The following IL1RN variants were observed in gnomAD, a reference collection of about 807,000 sequenced individuals.
IL1RN encodes interleukin 1 receptor antagonist.
A neutral mutation model predicts 13.7 loss-of-function variants in IL1RN; 10 were observed. The observed-to-expected ratio is 0.73, with a 90% CI of 0.45 to 1.24. The LOEUF (loss-of-function observed/expected upper bound fraction) is 1.24, where lower values mean the gene tolerates loss of function less well. Ranked by LOEUF, IL1RN falls within the 50% of genes most tolerant of loss-of-function variation. The pLI is 0.00. For missense variants in IL1RN, 213 were observed against 222.1 expected, an observed-to-expected ratio of 0.96 and a Z score of 0.26; for synonymous variants, 102 against 82.7, an observed-to-expected ratio of 1.23 and a Z score of -1.27.
upstream of IL1RN, among the ~76,000 whole-genome samples, chr2:113,108,966 C>A (rs930966432): frequency 9.9e-5 from 15 of 151,450 alleles, no homozygotes; most frequent in Admixed American, 9.2e-4. Context: ...ATAGTCATGA[C>A]AAAAATTTAA....
Position 113,133,240 on chromosome 2 carries a change from T to A in IL1RN, c.*369T>A, listed in dbSNP as rs886054775. On this transcript the variant is annotated 3_prime_UTR_variant, in exon 4 of 4. Transcript: ENST00000409930. The stretch of plus-strand genomic sequence containing the variant: ...CATGCCCTGGATCCATCAGGCCACT[T>A]GATGACCCCCAACCAAGTGGCTCCC... The A allele has an allele frequency of 7.8e-5, 28 of 359,336 alleles. No individual in the cohort carries two copies. The highest frequency in any genetic ancestry group is 1.4e-4 in the Non-Finnish European group (26 of 186,914). 22.3% of individuals were successfully genotyped at this position (359,336 alleles called of 1,614,324 possible). A position where few individuals can be genotyped will look rare whatever the true frequency, so the allele number is the denominator to read the frequency against.
chr2:113,121,499 C>A (rs1187022756), intron 2 of IL1RN: 1 of 985,292 alleles, frequency 1.0e-6, no homozygotes, highest in African/African-American at 1.7e-5. Flanking sequence ...CAAGCATGTA[C>A]CGCTGAAAAC....
chr2:113,129,916 AGCTGGGAAG>A, intron 2 of IL1RN: 1 of 489,418 alleles, frequency 2.0e-6, no homozygotes, highest in Non-Finnish European at 3.8e-6. Context: ...CCAGGGCCAC[AGCTGGGAAG>A]GGCAAATACC....
At chr2:113,127,142 T>A (rs1686990147), upstream of IL1RN, among the ~76,000 whole-genome samples, 1 of 152,254 alleles carries the variant, frequency 6.6e-6, no homozygotes, top group African/African-American at 2.4e-5. Flanking sequence ...ACAGAATGTT[T>A]GCCAATCTAT....
Position 113,133,042 on chromosome 2 carries a change from C to T in IL1RN, c.*171C>T. The T allele has an allele frequency of 1.4e-6, 1 of 689,948 alleles. No individual in the cohort carries two copies. The highest frequency in any genetic ancestry group is 2.7e-5 in the East Asian group (1 of 37,044). 42.7% of individuals were successfully genotyped at this position (689,948 alleles called of 1,614,324 possible). A position where few individuals can be genotyped will look rare whatever the true frequency, so the allele number is the denominator to read the frequency against. ...TCACAGGACTCTGCCTCCTCTTCAA[C>T]TGACCAGCCTCCATGCTGCCTCCAG... On this transcript the variant is annotated 3_prime_UTR_variant, in exon 4 of 4. Coordinates refer to ENST00000409930, the MANE Select transcript of IL1RN (RefSeq NM_173842.3).
intron 1 of IL1RN, among the ~76,000 whole-genome samples, chr2:113,111,999 GGTT>G (rs1255621028): frequency 6.6e-6 from 1 of 152,238 alleles, no homozygotes; most frequent in Non-Finnish European, 1.5e-5. Flanking sequence ...CCAGACTTTG[GGTT>G]GTTGTTTGCT....
Position 113,127,752 on chromosome 2 carries a change from C to T in IL1RN, c.116+12C>T. ...ATGCAAGCCTTCAGGTAAGGCTACC[C>T]CAAGGAGGAGAAGGTGAGGGTGGAT... is the stretch of plus-strand genomic sequence containing the variant. On this transcript the variant is annotated intron_variant, in intron 1 of 3. Transcript: ENST00000409930. The T allele has an allele frequency of 1.2e-6, 2 of 1,612,640 alleles. No individual in the cohort carries two copies. The highest frequency in any genetic ancestry group is 1.7e-6 in the Non-Finnish European group (2 of 1,179,336).
intron 1 of IL1RN, among the ~76,000 whole-genome samples, chr2:113,118,917 A>G (rs1686674929): frequency 1.3e-5 from 2 of 152,174 alleles, no homozygotes; most frequent in South Asian, 4.1e-4. Context: ...CATGTCTGCA[A>G]TCTTAGCTAC....
At chr2:113,102,744 G>T (rs1032421225), upstream of IL1RN, among the ~76,000 whole-genome samples, 1 of 152,176 alleles carries the variant, frequency 6.6e-6, no homozygotes, top group Non-Finnish European at 1.5e-5. Context: ...GGTGCTCAGT[G>T]GGGGAGGTTC....
chr2:113,103,135 A>T (rs551333177), upstream of IL1RN, among the ~76,000 whole-genome samples: 89 of 152,302 alleles, frequency 5.8e-4, no homozygotes, highest in African/African-American at 2.0e-3. Flanking sequence ...GAGTGGGCAC[A>T]TGGCCTGGTG....
At chr2:113,127,577 C>G (rs749191708), upstream of IL1RN, 50 of 1,606,642 alleles carry the variant, frequency 3.1e-5, no homozygotes, top group Admixed American at 1.7e-5. Context: ...TTATAAACCA[C>G]AACTCTGGGC....
At chr2:113,126,994 C>T (rs928379725), upstream of IL1RN, among the ~76,000 whole-genome samples, 8 of 152,342 alleles carry the variant, frequency 5.3e-5, no homozygotes, top group East Asian at 3.9e-4. Flanking sequence ...GTCCATTCCC[C>T]GCTTTTGCAA....
chr2:113,118,541 T>G (rs1037397033), intron 1 of IL1RN, among the ~76,000 whole-genome samples: 9 of 152,190 alleles, frequency 5.9e-5, no homozygotes, highest in African/African-American at 1.4e-4. Flanking sequence ...TGGCCAGAAC[T>G]TCTCGCTTTT....
At chr2:113,101,311 C>A in the IL1RN span, among the ~76,000 whole-genome samples, 1 of 152,092 alleles carries the variant, frequency 6.6e-6, no homozygotes, top group South Asian at 2.1e-4. Flanking sequence ...TGGGAAGAGG[C>A]ATTCACATTT....
chr2:113,110,524 C>A (rs1232115431), upstream of IL1RN, among the ~76,000 whole-genome samples: 5 of 152,150 alleles, frequency 3.3e-5, no homozygotes, highest in African/African-American at 1.2e-4. Context: ...CAATGCTGGC[C>A]AGCCTCTGTA....
Position 113,133,124 on chromosome 2 carries a change from A to T in IL1RN, c.*253A>T. 1 of 555,944 alleles carries T rather than the reference A, an allele frequency of 1.8e-6. No homozygotes were observed. The highest frequency in any genetic ancestry group is 1.9e-5 in the African/African-American group (1 of 53,110). The allele number at this position is 555,944 out of a possible 1,614,324, so 34.4% of individuals were successfully genotyped here. On this transcript the variant is annotated 3_prime_UTR_variant, in exon 4 of 4. Transcript: ENST00000409930. ...AGCAGCCCCTGCACAAAGCCCTTCCATGTCGCCTCTGCATTCAGGATCAAA... is the reference window on the plus strand; with the variant it reads ...AGCAGCCCCTGCACAAAGCCCTTCCTTGTCGCCTCTGCATTCAGGATCAAA...
chr2:113,114,641 G>A (rs193147189), upstream of IL1RN, among the ~76,000 whole-genome samples: 297 of 152,204 alleles, frequency 2.0e-3, 1 homozygote, highest in Middle Eastern at 0.014. Flanking sequence ...GTATGAGTCC[G>A]TGTGTGAGTG....
At chr2:113,107,670 T>C (rs540408869), upstream of IL1RN, among the ~76,000 whole-genome samples, 3 of 151,962 alleles carry the variant, frequency 2.0e-5, no homozygotes, top group East Asian at 5.8e-4. Flanking sequence ...GAGGTAGAGG[T>C]TGCAGTGAGC....
chr2:113,117,796 C>T (rs1357426278), upstream of IL1RN: 3 of 612,292 alleles, frequency 4.9e-6, no homozygotes, highest in Admixed American at 2.9e-5. Context: ...AGTCAGCCAT[C>T]AGCCGGCCCA....
Sources: gnomAD v4.1 joint callset for allele counts (sites outside exome capture counted in the v4.1 genomes callset) on GRCh38, gnomAD v4.1.1 for gene constraint, MANE v1.5 for transcripts, NCBI Gene and HGNC (gene_info 2026-07-23, HGNC 2026-07-21) for gene names.